The following DCUN1D1 variants were observed in gnomAD, a reference collection of about 807,000 sequenced individuals.
DCUN1D1 encodes the protein defective in cullin neddylation 1 domain containing 1.
Under a neutral mutation model 39.0 loss-of-function variants are expected in DCUN1D1, and 3 were observed. That is an observed-to-expected ratio of 0.08 (90% CI 0.04 to 0.20). DCUN1D1 has a LOEUF of 0.20. DCUN1D1 is among the 10% of genes least tolerant of loss of function. The probability of loss-of-function intolerance (pLI) is 1.00; values close to 1 mark genes in which losing one functional copy is unlikely to be tolerated. For missense variants in DCUN1D1, 158 were observed against 302.4 expected, an observed-to-expected ratio of 0.52 and a Z score of 3.54; for synonymous variants, 82 against 96.3, an observed-to-expected ratio of 0.85 and a Z score of 0.87.
At chr3:182,960,131 C>A (rs749647708) in intron 4 of DCUN1D1, among the ~76,000 whole-genome samples, 1 of 152,144 alleles carries the variant, frequency 6.6e-6, no homozygotes, top group Non-Finnish European at 1.5e-5. Context: ...AATGGACTTA[C>A]ATACAAGACA....
At chr3:182,970,255 T>C (rs1577192981) in intron 1 of DCUN1D1, among the ~76,000 whole-genome samples, 2 of 151,074 alleles carry the variant, frequency 1.3e-5, no homozygotes, top group African/African-American at 4.9e-5. Context: ...CAGAGCGAAA[T>C]CTTAACCCCC....
chr3:182,982,351 T>G (rs1728583509), upstream of DCUN1D1, among the ~76,000 whole-genome samples: 1 of 152,208 alleles, frequency 6.6e-6, no homozygotes, highest in African/African-American at 2.4e-5. Context: ...CGTCAACTAC[T>G]GCCCATATCA....
chr3:182,981,108 G>C (rs933888273), upstream of DCUN1D1, among the ~76,000 whole-genome samples: 1 of 151,960 alleles, frequency 6.6e-6, no homozygotes, highest in Non-Finnish European at 1.5e-5. Flanking sequence ...TCCCAGGGGA[G>C]ACCTTAGTCC....
rs1290796729 is a variant in DCUN1D1, at chr3:182,961,257, A to G, written c.489T>C (p.Asn163=). Residue 163 remains asparagine (N), a synonymous_variant, in exon 4 of 7, where the codon AAT becomes AAC. Coordinates refer to ENST00000292782, the MANE Select transcript of DCUN1D1 (RefSeq NM_020640.4). ...RFKDFYQFTF[N]FAKNPGQKGL... is the part of the protein sequence containing the mutation. ...CTTTTTGTCCTGGATTCTTTGCAAA[A>G]TTAAAAGTAAACTGGTAAAAATCCT... The G allele has an allele frequency of 1.0e-5, 16 of 1,578,258 alleles. No individual in the cohort carries two copies. The highest frequency in any genetic ancestry group is 1.4e-5 in the Non-Finnish European group (16 of 1,156,250).
rs1217944565 is a variant in DCUN1D1 at position 182,943,295 on chromosome 3, T to C, written c.*1799A>G. On this transcript the variant is annotated 3_prime_UTR_variant, in exon 7 of 7. Coordinates refer to ENST00000292782, the MANE Select transcript of DCUN1D1 (RefSeq NM_020640.4). ...AAAAATTTTTCATAATTGAAGTTCCTCTTTATATTTACAAAAAAATCAGGA... is the reference window on the plus strand; with the variant it reads ...AAAAATTTTTCATAATTGAAGTTCCCCTTTATATTTACAAAAAAATCAGGA... The C allele has an allele frequency of 2.0e-5, 3 of 150,660 alleles. No individual in the cohort carries two copies. Among genetic ancestry groups the C allele is most frequent in the Non-Finnish European group, 3.0e-5 (2 of 67,424 alleles). 9.3% of individuals were successfully genotyped at this position (150,660 alleles called of 1,614,324 possible).
chr3:182,967,128 CTATATATATATATATA>C (rs60339329), intron 1 of DCUN1D1, among the ~76,000 whole-genome samples: 27 of 143,576 alleles, frequency 1.9e-4, no homozygotes, highest in African/African-American at 6.8e-4. Context: ...AACAAAAAAA[CTATATATATATATATA>C]TATATATATA....
chr3:182,977,241 C>T (rs1728281664), intron 1 of DCUN1D1, among the ~76,000 whole-genome samples: 1 of 152,172 alleles, frequency 6.6e-6, no homozygotes, highest in South Asian at 2.1e-4. Context: ...CTCAAAACCT[C>T]CTTGATATTC....
At chr3:182,947,368 T>A in intron 5 of DCUN1D1, 34 bp from the exon 6 acceptor site, 1 of 1,438,190 alleles carries the variant, frequency 7.0e-7, no homozygotes, top group Non-Finnish European at 9.6e-7. Flanking sequence ...TACATTTGTA[T>A]CACTAAAAAG....
chr3:182,980,179 C>A (rs891819574), intron 1 of DCUN1D1: 46 of 564,506 alleles, frequency 8.1e-5, no homozygotes, highest in South Asian at 2.3e-4. Context: ...ACGCCTCCCC[C>A]ACCCGCGCCG....
intron 1 of DCUN1D1, among the ~76,000 whole-genome samples, chr3:182,973,680 G>A (rs993653931): frequency 2.0e-5 from 3 of 151,754 alleles, no homozygotes; most frequent in African/African-American, 4.8e-5. Context: ...GGTGGCGTGC[G>A]CCTGTAACCC....
At chr3:182,976,788 C>T (rs750604870) in intron 1 of DCUN1D1, among the ~76,000 whole-genome samples, 1 of 152,212 alleles carries the variant, frequency 6.6e-6, no homozygotes, top group Non-Finnish European at 1.5e-5. Context: ...GTGATATATA[C>T]ATCCCTTCAG....
chr3:182,957,961 A>AAAAAG (rs397936733), intron 4 of DCUN1D1, among the ~76,000 whole-genome samples: 1 of 150,142 alleles, frequency 6.7e-6, no homozygotes, highest in African/African-American at 2.5e-5. Context: ...AAAAAAAAAA[A>AAAAAG]CAGAAACATG....
At chr3:182,979,792 C>G (rs1182643385) in intron 1 of DCUN1D1, among the ~76,000 whole-genome samples, 2 of 152,106 alleles carry the variant, frequency 1.3e-5, no homozygotes, top group African/African-American at 4.8e-5. Flanking sequence ...TTCCGTACCC[C>G]CTCCCCCAAG....
At chr3:182,955,240 T>C in intron 4 of DCUN1D1, 1 of 505,986 alleles carries the variant, frequency 2.0e-6, no homozygotes, top group South Asian at 1.5e-5. Flanking sequence ...TAATATTAAT[T>C]CACTTGAGGG....
At chr3:182,956,641 T>C (rs558396097) in intron 4 of DCUN1D1, among the ~76,000 whole-genome samples, 34 of 152,384 alleles carry the variant, frequency 2.2e-4, no homozygotes, top group Non-Finnish European at 3.7e-4. Flanking sequence ...CAATTGTTCC[T>C]AAATATTAAA....
At chr3:182,950,831 C>T (rs1467399353) in intron 4 of DCUN1D1, 2 of 151,482 alleles carry the variant, frequency 1.3e-5, no homozygotes, top group Admixed American at 1.3e-4. Context: ...ATGGCGAAAC[C>T]CCATCTCTAC....
chr3:182,949,314 G>T (rs1301325726), intron 4 of DCUN1D1, among the ~76,000 whole-genome samples: 2 of 152,146 alleles, frequency 1.3e-5, no homozygotes. Flanking sequence ...AGGGGGCCAA[G>T]ATCATGCCAC....
chr3:182,963,005 C>T (rs1489283007), intron 3 of DCUN1D1, among the ~76,000 whole-genome samples: 4 of 152,146 alleles, frequency 2.6e-5, no homozygotes, highest in African/African-American at 9.7e-5. Context: ...GTCTCAAACT[C>T]CCAAACTAAG....
intron 1 of DCUN1D1, among the ~76,000 whole-genome samples, chr3:182,976,373 C>T (rs570351742): frequency 6.6e-6 from 1 of 151,822 alleles, no homozygotes; most frequent in Admixed American, 6.6e-5. Context: ...CATGCCTACC[C>T]CCACTCCTTG....
Sources: gnomAD v4.1 joint callset for allele counts (sites outside exome capture counted in the v4.1 genomes callset) on GRCh38, gnomAD v4.1.1 for gene constraint, MANE v1.5 for transcripts, NCBI Gene and HGNC (gene_info 2026-07-23, HGNC 2026-07-21) for gene names.